ARID4B: variants seen among roughly 807,000 people sequenced by gnomAD.
The protein encoded by ARID4B is AT-rich interactive domain-containing protein 4B.
In ARID4B, 26 loss-of-function variants were observed where a neutral mutation model predicts 147.5. The ratio of observed to expected loss-of-function variants is 0.18; its 90% CI spans 0.13 to 0.24. The LOEUF is 0.24. ARID4B is among the 10% of genes least tolerant of loss of function. The pLI, the probability that ARID4B is intolerant of heterozygous loss-of-function variation, is 1.00. For synonymous variants in ARID4B, 512 were observed against 507.9 expected (o/e 1.01, Z -0.11); for missense variants, 1,179 against 1,511.5 (o/e 0.78, Z 3.65).
chr1:235,327,548 C>A (rs1230893951), intron 1 of ARID4B: 1 of 152,216 alleles, frequency 6.6e-6, no homozygotes, highest in Non-Finnish European at 1.5e-5. Flanking sequence ...CTGCCCGGGC[C>A]CCCGACCGCG....
In ARID4B at chr1:235,182,120, T is replaced by A. The variant is rs778919355; in HGVS notation, c.2799A>T (p.Gly933=). 1 of 1,614,204 alleles carries A rather than the reference T, an allele frequency of 6.2e-7. No individual in the cohort carries two copies. The highest frequency in any genetic ancestry group is 1.1e-5 in the South Asian group (1 of 91,086). ...CTTTCAGCGTTTTTTTAGGCCACTG[T>A]CCCTGAATACTTGACCAGACATCTT... The part of the protein sequence containing the change: ...DRKDVWSSIQ[G]QWPKKTLKEL... Residue 933 remains glycine (G), a synonymous_variant, in exon 20 of 24, where the codon GGA becomes GGT. Transcript: ENST00000264183.
chr1:235,261,516 C>T (rs72756086), intron 2 of ARID4B, among the ~76,000 whole-genome samples: 1 of 151,768 alleles, frequency 6.6e-6, no homozygotes, highest in Non-Finnish European at 1.5e-5. Context: ...AGAGTAAGAC[C>T]CTGTCTCAAA....
chr1:235,169,655 C>A (rs1571879926), intron 23 of ARID4B, among the ~76,000 whole-genome samples: 1 of 151,770 alleles, frequency 6.6e-6, no homozygotes, highest in South Asian at 2.1e-4. Context: ...CCTGCCTCAG[C>A]CTCCTTTTTT....
intron 17 of ARID4B, among the ~76,000 whole-genome samples, chr1:235,206,337 GA>G (rs1305049907): frequency 6.6e-6 from 1 of 152,152 alleles, no homozygotes; most frequent in Non-Finnish European, 1.5e-5. Context: ...GAGTTGAAGG[GA>G]AAGAATTTAC....
intron 20 of ARID4B, chr1:235,181,323 C>A: frequency 1.7e-6 from 1 of 593,270 alleles, no homozygotes; most frequent in Non-Finnish European, 2.6e-6. Context: ...TGGATTTGGG[C>A]CTGGGTGCAA....
chr1:235,199,493 G>A (rs1224428603), intron 17 of ARID4B, among the ~76,000 whole-genome samples: 1 of 152,130 alleles, frequency 6.6e-6, no homozygotes, highest in Non-Finnish European at 1.5e-5. Context: ...TATTTCACAA[G>A]TTAAGAAATT....
chr1:235,301,155 G>A (rs1673110484), intron 2 of ARID4B, among the ~76,000 whole-genome samples: 1 of 150,308 alleles, frequency 6.7e-6, no homozygotes, highest in South Asian at 2.1e-4. Flanking sequence ...CAAAGTGTTG[G>A]GATTATAGGC....
chr1:235,290,581 C>T (rs556683719), intron 2 of ARID4B, among the ~76,000 whole-genome samples: 2 of 152,240 alleles, frequency 1.3e-5, no homozygotes, highest in South Asian at 4.1e-4. Context: ...TCAAAAACAA[C>T]CTAAATGTCC....
At chr1:235,270,866 A>G (rs58104846) in intron 2 of ARID4B, among the ~76,000 whole-genome samples, 19,973 of 152,152 alleles carry the variant, frequency 0.13, 1,524 homozygotes, top group African/African-American at 0.2. Flanking sequence ...AGAGGAGCCT[A>G]GTGGAGGATT....
At chr1:235,279,988 A>T (rs1671563031) in intron 2 of ARID4B, among the ~76,000 whole-genome samples, 1 of 152,174 alleles carries the variant, frequency 6.6e-6, no homozygotes, top group African/African-American at 2.4e-5. Context: ...TTTTGCTGAT[A>T]ATGCTTCCTA....
chr1:235,320,997 G>A (rs1375249701), intron 2 of ARID4B, among the ~76,000 whole-genome samples: 1 of 151,578 alleles, frequency 6.6e-6, no homozygotes, highest in Admixed American at 6.6e-5. Flanking sequence ...TTTTCTTAAC[G>A]TGTGTCCACC....
intron 3 of ARID4B, among the ~76,000 whole-genome samples, chr1:235,259,434 G>C (rs767043370): frequency 6.6e-6 from 1 of 152,270 alleles, no homozygotes; most frequent in Non-Finnish European, 1.5e-5. Flanking sequence ...CTTTCCACCA[G>C]GAGAGAGGGC....
intron 2 of ARID4B, among the ~76,000 whole-genome samples, chr1:235,322,133 A>G (rs1485101684): frequency 1.3e-5 from 2 of 151,948 alleles, no homozygotes; most frequent in East Asian, 3.9e-4. Context: ...TGTTCAAGCT[A>G]TTCTTCTGCC....
intron 6 of ARID4B, among the ~76,000 whole-genome samples, 199 bp from the exon 7 acceptor site, chr1:235,246,710 G>GA (rs200543707): frequency 0.02 from 2,950 of 150,832 alleles, 54 homozygotes; most frequent in Admixed American, 0.039. Flanking sequence ...CTCATTACTG[G>GA]AAAAAAAAAG....
At chr1:235,269,045 A>G (rs1035676560) in intron 2 of ARID4B, among the ~76,000 whole-genome samples, 1 of 152,232 alleles carries the variant, frequency 6.6e-6, no homozygotes, top group Non-Finnish European at 1.5e-5. Context: ...ATATATATGT[A>G]TGTCAAACTG....
At chr1:235,320,178 G>A (rs1382312725) in intron 2 of ARID4B, among the ~76,000 whole-genome samples, 3 of 151,710 alleles carry the variant, frequency 2.0e-5, no homozygotes, top group Non-Finnish European at 4.4e-5. Context: ...GGTGGCAGGT[G>A]CCTGTAATCC....
rs1169414831 is a variant in ARID4B, at chr1:235,173,771, AATATATATATATATATATAT to A, written c.3665-1027_3665-1008del. Reference sequence around the variant, plus strand: ...AAAAAAAAAAAAAAAAAAAAAAAAAAATATATATATATATATATATATATATATATATATATATATATGTA... The same window carrying A: ...AAAAAAAAAAAAAAAAAAAAAAAAAAATATATATATATATATATATATGTA... On this transcript the variant is annotated intron_variant, in intron 22 of 23. Coordinates refer to ENST00000264183, the MANE Select transcript of ARID4B (RefSeq NM_016374.6). Among the ~76,000 whole-genome samples, 132 of 32,352 alleles carry A rather than the reference AATATATATATATATATATAT, an allele frequency of 4.1e-3. 2 individuals are homozygous for A. Among genetic ancestry groups the A allele is most frequent in the African/African-American group, 7.8e-3 (64 of 8,184 alleles). The allele number at this position is 32,352 out of a possible 152,430, so 21.2% of individuals were successfully genotyped here. A position where few individuals can be genotyped will look rare whatever the true frequency, so the allele number is the denominator to read the frequency against.
At chr1:235,198,476 G>A (rs1041620240) in intron 17 of ARID4B, among the ~76,000 whole-genome samples, 7 of 152,176 alleles carry the variant, frequency 4.6e-5, no homozygotes, top group Non-Finnish European at 7.3e-5. Context: ...AATGTATGTT[G>A]TTTAAATTCT....
At position 235,194,057 on chromosome 1, in the gene ARID4B, T is replaced by A. The variant is rs1172595539; in HGVS notation, c.2081A>T (p.His694Leu). ...CGAAGTAATTTCTATGGACTTAATA[T>A]GAGCAGTATCAGAGTTTTTGGCATC... The part of the protein sequence containing the change: ...LTDAKNSDTA[H>L]IKSIEITSIL... Residue 694 changes from histidine to leucine, a missense_variant, in exon 19 of 24, where the codon CAT becomes CTT. His to Leu is a moderately conservative substitution (Grantham distance 99). Transcript: ENST00000264183. 1 of 1,612,306 alleles carries A rather than the reference T, an allele frequency of 6.2e-7. No homozygotes were observed. Among genetic ancestry groups the A allele is most frequent in the Non-Finnish European group, 8.5e-7 (1 of 1,178,516 alleles).
Sources: allele counts gnomAD v4.1 joint callset (sites outside exome capture counted in the v4.1 genomes callset), GRCh38; gene constraint gnomAD v4.1.1; transcripts MANE v1.5; gene names NCBI Gene and HGNC (gene_info 2026-07-23, HGNC 2026-07-21).